Variants in ARHGEF25 observed in about 807,000 individuals in gnomAD.
The protein encoded by ARHGEF25 is Rho guanine nucleotide exchange factor 25, also known as RAC/CDC42 exchange factor.
A neutral mutation model predicts 74.0 loss-of-function variants in ARHGEF25; 42 were observed. That is an observed-to-expected ratio of 0.57 (90% CI 0.44 to 0.73). The LOEUF (loss-of-function observed/expected upper bound fraction) is 0.73, where lower values mean the gene tolerates loss of function less well. Ranked by LOEUF, ARHGEF25 falls within the 30% of genes least tolerant of loss-of-function variation. The pLI is 0.00. For missense variants in ARHGEF25, 645 were observed against 725.5 expected (o/e 0.89, Z 1.27); for synonymous variants, 293 against 278.6 (o/e 1.05, Z -0.51).
rs1294755571 is a variant in ARHGEF25 at position 57,614,645 on chromosome 12, C to T, written c.816+40C>T. On this transcript the variant is annotated intron_variant, in intron 8 of 14. Coordinates refer to ENST00000286494, the MANE Select transcript of ARHGEF25 (RefSeq NM_182947.4). The surrounding 1 kb of genome is among the most constrained non-coding windows in gnomAD (Gnocchi z 4.6). ...TGTCTTGGTGGGAAGGAGGACAGAACTGGGGCTTTCCAGGCTGCATAACCA... is the reference window on the plus strand; with the variant it reads ...TGTCTTGGTGGGAAGGAGGACAGAATTGGGGCTTTCCAGGCTGCATAACCA... 1 of 1,613,868 alleles carries T rather than the reference C, an allele frequency of 6.2e-7. No homozygotes were observed. Among genetic ancestry groups the T allele is most frequent in the South Asian group, 1.1e-5 (1 of 91,066 alleles).
chr12:57,610,328 G>C (rs760647250), upstream of ARHGEF25: 5 of 1,452,834 alleles, frequency 3.4e-6, no homozygotes, highest in Non-Finnish European at 4.6e-6. Flanking sequence ...AAGAATGGGG[G>C]CTCGCGGTGG....
chr12:57,610,286 C>T (rs528060871), upstream of ARHGEF25: 112 of 1,572,856 alleles, frequency 7.1e-5, no homozygotes, highest in African/African-American at 7.1e-4. Context: ...GGGCATGCTG[C>T]GCGCATGCGC....
At chr12:57,610,550 C>T (rs772045789), upstream of ARHGEF25, 6 of 1,596,660 alleles carry the variant, frequency 3.8e-6, no homozygotes, top group East Asian at 1.3e-4. Flanking sequence ...AGGTTCCTTA[C>T]AGTGGTTCTG....
chr12:57,610,147 G>C, upstream of ARHGEF25: 1 of 820,774 alleles, frequency 1.2e-6, no homozygotes, highest in South Asian at 1.7e-5. Flanking sequence ...CCGGACGCGC[G>C]CAGGCCTCAA....
rs1051845176 is a variant in ARHGEF25 at position 57,615,090 on chromosome 12, C to T, written c.960+73C>T. On this transcript the variant is annotated intron_variant, in intron 10 of 14. Transcript: ENST00000286494. ...CTAGTATCTCATGGGTTCCCCCAGC[C>T]CCTTGGGTGGTTTACAGCTGTCTGG... 1.9e-5 allele frequency: 31 copies of T among 1,596,858 alleles called. No individual in the cohort carries two copies. In the African/African-American group the frequency reaches 4.0e-4, roughly 21 times the overall value.
chr12:57,615,071 T>C, intron 10 of ARHGEF25, 54 bp downstream of exon 10: 1 of 1,605,142 alleles, frequency 6.2e-7, no homozygotes, highest in Non-Finnish European at 8.5e-7. Context: ...CCTCCTAGTA[T>C]CTCATGGGTT....
In ARHGEF25 at chr12:57,611,758, C is replaced by T; in HGVS notation, c.-137C>T. 8.5e-7 allele frequency: 1 copy of T among 1,169,996 alleles called. No homozygotes were observed. The highest frequency in any genetic ancestry group is 1.6e-5 in the African/African-American group (1 of 62,824). 72.5% of individuals were successfully genotyped at this position (1,169,996 alleles called of 1,614,324 possible). ...CCCCTGGACACCTCCTCCCGGTCCCCTCCCTCCCCCCCTCCCACAGCCTGG... is the reference window on the plus strand; with the variant it reads ...CCCCTGGACACCTCCTCCCGGTCCCTTCCCTCCCCCCCTCCCACAGCCTGG... On this transcript the variant is annotated 5_prime_UTR_variant, in exon 1 of 15. Coordinates refer to ENST00000286494, the MANE Select transcript of ARHGEF25 (RefSeq NM_182947.4). The surrounding 1 kb of genome is among the most constrained non-coding windows in gnomAD (Gnocchi z 4.5).
In ARHGEF25 at chr12:57,611,906, G is replaced by C; in HGVS notation, c.12G>C (p.Gly4=). The change falls in exon 1 of 15, where the codon GGG becomes GGC. Residue 4 remains glycine (G), a synonymous_variant. Transcript: ENST00000286494. The surrounding 1 kb of genome is among the most constrained non-coding windows in gnomAD (Gnocchi z 4.5). ...GGGGCCCGGGCGCCATGCGGGGGGG[G>C]CACAAAGGGGGTCGCTGTGCCTGTC... is the stretch of plus-strand genomic sequence containing the variant. MRG[G]HKGGRCACPR... is the part of the protein sequence containing the mutation. 7.9e-7 allele frequency: 1 copy of C among 1,261,962 alleles called. No individual in the cohort carries two copies. Among genetic ancestry groups the C allele is most frequent in the Non-Finnish European group, 1.0e-6 (1 of 981,250 alleles). 78.2% of individuals were successfully genotyped at this position (1,261,962 alleles called of 1,614,324 possible).
Position 57,615,972 on chromosome 12 carries a change from A to G in ARHGEF25, c.1375A>G (p.Lys459Glu), listed in dbSNP as rs1728237001. The G allele has an allele frequency of 6.2e-7, 1 of 1,613,850 alleles. No homozygotes were observed. Among genetic ancestry groups the G allele is most frequent in the Non-Finnish European group, 8.5e-7 (1 of 1,179,916 alleles). Reference sequence around the variant, plus strand: ...CCCTGCTATCAGTCAGGCCTGGATCAAGCATGTGGCTCAGATCTTGGAGAG... The same window carrying G: ...CCCTGCTATCAGTCAGGCCTGGATCGAGCATGTGGCTCAGATCTTGGAGAG... ...ADPAISQAWI[K>E]HVAQILESQR... Residue 459 changes from lysine to glutamate, a missense_variant, in exon 13 of 15, where the codon AAG becomes GAG. This residue lies in a region of ARHGEF25 where 262 missense variants were observed against 256.9 expected (regional missense o/e 1.02). Coordinates refer to ENST00000286494, the MANE Select transcript of ARHGEF25 (RefSeq NM_182947.4).
Position 57,615,611 on chromosome 12 carries a change from C to A in ARHGEF25, c.1138C>A (p.Arg380Ser). 3 of 1,614,132 alleles carry A rather than the reference C, an allele frequency of 1.9e-6. No homozygotes were observed. Among genetic ancestry groups the A allele is most frequent in the South Asian group, 1.1e-5 (1 of 91,082 alleles). ...GCTGTCTTCCCGAGGTCGAGAGAGGCGCGTCTTCCTCTTTGAGCAAATCAT... is the reference window on the plus strand; with the variant it reads ...GCTGTCTTCCCGAGGTCGAGAGAGGAGCGTCTTCCTCTTTGAGCAAATCAT... ...GLLSSRGRERRVFLFEQIIIF... is the reference protein window; with the variant it reads ...GLLSSRGRERSVFLFEQIIIF... The change falls in exon 12 of 15, where the codon CGC becomes AGC. Residue 380 changes from arginine to serine, a missense_variant. Arg to Ser is a moderately radical substitution (Grantham distance 110). This residue lies in a region of ARHGEF25 where 262 missense variants were observed against 256.9 expected (regional missense o/e 1.02). Transcript: ENST00000286494.
intron 2 of ARHGEF25, 45 bp from the exon 3 acceptor site, chr12:57,613,219 C>G (rs1884130620): frequency 7.4e-6 from 12 of 1,610,922 alleles, no homozygotes; most frequent in Non-Finnish European, 1.0e-5. Context: ...TTGGGGCCAC[C>G]CAGCTACTGT....
chr12:57,610,512 G>A, upstream of ARHGEF25: 1 of 1,425,086 alleles, frequency 7.0e-7, no homozygotes, highest in South Asian at 1.3e-5. Flanking sequence ...AGAAGGGGAA[G>A]GGGGAGGTCA....
At chr12:57,611,421 C>T (rs940819511), upstream of ARHGEF25, 15 of 985,044 alleles carry the variant, frequency 1.5e-5, no homozygotes, top group Non-Finnish European at 1.8e-5. The surrounding 1 kb of genome is among the most constrained non-coding windows in gnomAD (Gnocchi z 4.5). Flanking sequence ...GGCGGCCCCG[C>T]GGCCAGGCCT....
At chr12:57,610,314 G>C (rs767615059), upstream of ARHGEF25, 4 of 1,519,260 alleles carry the variant, frequency 2.6e-6, no homozygotes, top group Non-Finnish European at 2.7e-6. Context: ...GGGCAGGAGG[G>C]GGTAAGAATG....
intron 1 of ARHGEF25, chr12:57,612,717 T>G (rs1257882448): frequency 1.4e-6 from 2 of 1,441,114 alleles, no homozygotes; most frequent in South Asian, 1.6e-5. Context: ...GTTCCAGGCC[T>G]GGAGAGCCAG....
At chr12:57,613,879 C>T in intron 5 of ARHGEF25, 119 bp downstream of exon 5, 1 of 1,485,480 alleles carries the variant, frequency 6.7e-7, no homozygotes. Context: ...CACTCCTGGA[C>T]CTTCCTACTC....
chr12:57,615,403 C>A, intron 11 of ARHGEF25, 89 bp downstream of exon 11: 1 of 1,586,970 alleles, frequency 6.3e-7, no homozygotes. Context: ...GTTGTCTTCT[C>A]CTGGGGCTGA....
Position 57,611,560 on chromosome 12 carries a change from C to T in ARHGEF25, c.-335C>T, listed in dbSNP as rs970199758. 21 of 995,892 alleles carry T rather than the reference C, an allele frequency of 2.1e-5. No homozygotes were observed. The highest frequency in any genetic ancestry group is 9.4e-5 in the South Asian group (2 of 21,366). The allele number at this position is 995,892 out of a possible 1,614,324, so 61.7% of individuals were successfully genotyped here. A position where few individuals can be genotyped will look rare whatever the true frequency, so the allele number is the denominator to read the frequency against. On this transcript the variant is annotated 5_prime_UTR_variant, in exon 1 of 15. Coordinates refer to ENST00000286494, the MANE Select transcript of ARHGEF25 (RefSeq NM_182947.4). This position sits in a 1 kb window ranked among gnomAD's most constrained non-coding sequence, Gnocchi z 4.5. Reference sequence around the variant, plus strand: ...GGCCGGAGACAGCTGGAGCGGCTGCCGCATCCCGGCCCAGCCTCCCCTACC... The same window carrying T: ...GGCCGGAGACAGCTGGAGCGGCTGCTGCATCCCGGCCCAGCCTCCCCTACC...
At chr12:57,613,191 A>C (rs756429172) in intron 2 of ARHGEF25, 47 bp downstream of exon 2, 2 of 1,610,556 alleles carry the variant, frequency 1.2e-6, no homozygotes. Context: ...TATGAAGGAC[A>C]CTGGCAGAGA....
Sources: allele counts gnomAD v4.1 joint callset, GRCh38; gene constraint gnomAD v4.1.1; regional missense constraint gnomAD v4.1.1; non-coding constraint Gnocchi (gnomAD v3.1); transcripts MANE v1.5; gene names NCBI Gene and HGNC (gene_info 2026-07-23, HGNC 2026-07-21).